BPIFC: variants seen among roughly 807,000 people sequenced by gnomAD.
BPIFC encodes BPI fold-containing family C protein.
Under a neutral mutation model 57.6 loss-of-function variants are expected in BPIFC, and 60 were observed. That is an observed-to-expected ratio of 1.04 (90% CI 0.85 to 1.29). The LOEUF is 1.29. Ranked by LOEUF, BPIFC falls within the 50% of genes most tolerant of loss-of-function variation. BPIFC has a pLI of 0.00. For missense variants in BPIFC, 581 were observed against 600.5 expected (o/e 0.97, Z 0.34); for synonymous variants, 243 against 224.5 (o/e 1.08, Z -0.74).
intron 1 of BPIFC, among the ~76,000 whole-genome samples, 155 bp from the exon 2 acceptor site, chr22:32,461,816 C>T (rs779980123): frequency 6.6e-5 from 10 of 152,066 alleles, no homozygotes; most frequent in South Asian, 4.2e-4. Context: ...ATATCACTGC[C>T]GGCTAAAAAT....
chr22:32,447,464 G>A, intron 4 of BPIFC, 124 bp from the exon 5 acceptor site: 1 of 1,159,530 alleles, frequency 8.6e-7, no homozygotes, highest in Non-Finnish European at 1.2e-6. Flanking sequence ...ACAGAGAAAA[G>A]AACCTCCTGT....
At chr22:32,446,045 T>C (rs1156857609) in intron 5 of BPIFC, 49 bp from the exon 6 acceptor site, 17 of 1,594,650 alleles carry the variant, frequency 1.1e-5, no homozygotes, top group Non-Finnish European at 1.4e-5. Flanking sequence ...GGCACAGAGA[T>C]GGATCTTGTT....
At chr22:32,420,461 T>C (rs1933814697) in intron 13 of BPIFC, among the ~76,000 whole-genome samples, 1 of 152,104 alleles carries the variant, frequency 6.6e-6, no homozygotes. Context: ...GAAAGCCACA[T>C]CACTCACACC....
chr22:32,448,223 C>T (rs1568956545), intron 4 of BPIFC, among the ~76,000 whole-genome samples: 1 of 152,086 alleles, frequency 6.6e-6, no homozygotes, highest in Non-Finnish European at 1.5e-5. Context: ...CGCATGCCAC[C>T]ACACCTGGAT....
chr22:32,425,570 T>C (rs964094578), intron 13 of BPIFC, among the ~76,000 whole-genome samples: 2 of 152,166 alleles, frequency 1.3e-5, no homozygotes, highest in African/African-American at 4.8e-5. Context: ...AAATTTGAAA[T>C]CATAGTCAAA....
At chr22:32,451,767 A>G (rs1601480706) in intron 4 of BPIFC, among the ~76,000 whole-genome samples, 1 of 152,154 alleles carries the variant, frequency 6.6e-6, no homozygotes, top group Non-Finnish European at 1.5e-5. Context: ...TACACATGAT[A>G]TTGTACAATT....
intron 4 of BPIFC, 127 bp from the exon 5 acceptor site, chr22:32,447,467 C>A: frequency 8.9e-7 from 1 of 1,129,606 alleles, no homozygotes; most frequent in South Asian, 2.2e-5. Context: ...GAGAAAAGAA[C>A]CTCCTGTCTG....
intron 5 of BPIFC, among the ~76,000 whole-genome samples, chr22:32,446,359 GA>G (rs1934729783): frequency 6.6e-6 from 1 of 152,234 alleles, no homozygotes; most frequent in African/African-American, 2.4e-5. Flanking sequence ...GGGCATAGAT[GA>G]AAAAGTGATG....
At chr22:32,421,956 C>G in intron 13 of BPIFC, among the ~76,000 whole-genome samples, 1 of 152,116 alleles carries the variant, frequency 6.6e-6, no homozygotes, top group East Asian at 1.9e-4. Context: ...GAATAAGATT[C>G]AAAAGGCAGA....
chr22:32,441,002 T>C (rs1233214613), intron 8 of BPIFC, among the ~76,000 whole-genome samples: 1 of 152,076 alleles, frequency 6.6e-6, no homozygotes. Flanking sequence ...CATCTTAGAT[T>C]AAGAGGTGGA....
intron 13 of BPIFC, among the ~76,000 whole-genome samples, chr22:32,425,182 G>C (rs1934032037): frequency 6.6e-6 from 1 of 152,176 alleles, no homozygotes; most frequent in African/African-American, 2.4e-5. Flanking sequence ...CCAGGTTCAA[G>C]TTCTGGCTCA....
chr22:32,432,616 G>A (rs764334166), intron 11 of BPIFC, 73 bp from the exon 12 acceptor site: 289 of 1,430,228 alleles, frequency 2.0e-4, no homozygotes, highest in Non-Finnish European at 2.7e-4. Flanking sequence ...AGGTTAGGAT[G>A]GCCTGTGGTG....
rs546954558 is a variant in BPIFC, at chr22:32,440,288, C to T, written c.655+2383G>A. ...TAGCTGGGACTAAAGGCGCACGCCA[C>T]CATGCCTGGCTAATTAAAAAAAAAT... On this transcript the variant is annotated intron_variant, in intron 8 of 16. Transcript: ENST00000300399. Among the ~76,000 whole-genome samples the T allele has an allele frequency of 1.1e-3, 171 of 149,916 alleles. 2 individuals carry two copies. The highest frequency in any genetic ancestry group is 3.7e-3 in the African/African-American group (153 of 41,316).
At chr22:32,448,361 C>T (rs1311904239) in intron 4 of BPIFC, among the ~76,000 whole-genome samples, 3 of 152,178 alleles carry the variant, frequency 2.0e-5, no homozygotes, top group African/African-American at 7.2e-5. Flanking sequence ...GCGTGAGCCA[C>T]TGTGTCCAGC....
intron 12 of BPIFC, 95 bp from the exon 13 acceptor site, chr22:32,431,509 A>C (rs1016534098): frequency 1.2e-6 from 1 of 832,616 alleles, no homozygotes; most frequent in South Asian, 1.5e-5. Context: ...TAAGCCCAAC[A>C]TTCCCCCTTA....
intron 13 of BPIFC, among the ~76,000 whole-genome samples, chr22:32,419,913 G>A (rs1933793496): frequency 6.6e-6 from 1 of 151,864 alleles, no homozygotes; most frequent in Non-Finnish European, 1.5e-5. Context: ...TGCTGCTTAA[G>A]AAGCAGAGCA....
chr22:32,437,965 A>G (rs975240109), intron 8 of BPIFC, 114 bp from the exon 9 acceptor site: 4 of 601,980 alleles, frequency 6.6e-6, no homozygotes, highest in African/African-American at 3.8e-5. Context: ...TAAAAGATCA[A>G]TTCCTGCTTT....
chr22:32,453,603 C>CT, intron 3 of BPIFC, 100 bp from the exon 4 acceptor site: 1 of 1,348,240 alleles, frequency 7.4e-7, no homozygotes, highest in South Asian at 1.8e-5. Flanking sequence ...GAGACATGCC[C>CT]TTAGATACTT....
chr22:32,463,522 C>G lies in BPIFC; in HGVS notation c.-89+852G>C, dbSNP rs533500523. Among the ~76,000 whole-genome samples the G allele has an allele frequency of 7.2e-4, 110 of 152,268 alleles. No individual in the cohort carries two copies. In the Middle Eastern group the frequency reaches 0.02, roughly 28 times the overall value. ...AGTCCAATTTAGAAAACACCTGAAACTCACAGATGGTCCTACTACTACTGC... is the reference window on the plus strand; with the variant it reads ...AGTCCAATTTAGAAAACACCTGAAAGTCACAGATGGTCCTACTACTACTGC... On this transcript the variant is annotated intron_variant, in intron 1 of 16. Transcript: ENST00000300399.
Sources: allele counts gnomAD v4.1 joint callset (sites outside exome capture counted in the v4.1 genomes callset), GRCh38; gene constraint gnomAD v4.1.1; transcripts MANE v1.5; gene names NCBI Gene and HGNC (gene_info 2026-07-23, HGNC 2026-07-21).